The following FGD4 variants were observed in gnomAD, a reference collection of about 807,000 sequenced individuals.
The protein encoded by FGD4 is FYVE, RhoGEF and PH domain-containing protein 4.
A neutral mutation model predicts 102.0 loss-of-function variants in FGD4; 42 were observed. That is an observed-to-expected ratio of 0.41 (90% CI 0.32 to 0.53). The LOEUF is 0.53. Ranked by LOEUF, FGD4 falls within the 20% of genes least tolerant of loss-of-function variation. The pLI, the probability that FGD4 is intolerant of heterozygous loss-of-function variation, is 0.21. For missense variants in FGD4, 902 were observed against 1,078.2 expected (o/e 0.84, Z 2.29); for synonymous variants, 380 against 375.7 (o/e 1.01, Z -0.13).
chr12:32,586,251 G>A (rs1947022347), intron 4 of FGD4, among the ~76,000 whole-genome samples: 2 of 151,932 alleles, frequency 1.3e-5, no homozygotes, highest in South Asian at 4.2e-4. Context: ...AATCTTAAAA[G>A]GTTTTTAAAA....
intron 1 of FGD4, among the ~76,000 whole-genome samples, chr12:32,453,034 T>G (rs763427997): frequency 6.6e-6 from 1 of 151,570 alleles, no homozygotes; most frequent in Non-Finnish European, 1.5e-5. Context: ...AACTTTCTAT[T>G]ATAGAAAATT....
At chr12:32,563,958 C>T (rs1010158939) in intron 1 of FGD4, among the ~76,000 whole-genome samples, 179 bp from the exon 2 acceptor site, 2 of 147,524 alleles carry the variant, frequency 1.4e-5, no homozygotes, top group Admixed American at 7.0e-5. Flanking sequence ...GCAGTACAGT[C>T]CAGCTTCGGC....
chr12:32,481,127 CAAAAAAAAAAA>C (rs1157108520), intron 1 of FGD4, among the ~76,000 whole-genome samples: 58 of 27,358 alleles, frequency 2.1e-3, no homozygotes, highest in African/African-American at 6.9e-3. Context: ...GACTCCGTCT[CAAAAAAAAAAA>C]AAAAAAAAAA....
At chr12:32,463,311 G>A (rs984307590) in intron 1 of FGD4, among the ~76,000 whole-genome samples, 2 of 152,170 alleles carry the variant, frequency 1.3e-5, no homozygotes, top group African/African-American at 4.8e-5. Context: ...CTTCAACCCA[G>A]ATGTGGATTT....
chr12:32,452,878 A>G (rs1942818556), intron 1 of FGD4, among the ~76,000 whole-genome samples: 1 of 151,920 alleles, frequency 6.6e-6, no homozygotes, highest in Non-Finnish European at 1.5e-5. Flanking sequence ...AGTCCCAGTT[A>G]CTCAGCAGGC....
chr12:32,621,434 G>A (rs970651437), intron 11 of FGD4, among the ~76,000 whole-genome samples: 10 of 152,208 alleles, frequency 6.6e-5, no homozygotes, highest in South Asian at 2.1e-4. Flanking sequence ...CAGAATCCAC[G>A]GAGACTCAGA....
At chr12:32,537,883 C>G (rs557160517) in intron 1 of FGD4, among the ~76,000 whole-genome samples, 2 of 152,142 alleles carry the variant, frequency 1.3e-5, no homozygotes, top group South Asian at 4.1e-4. Flanking sequence ...TTCGTTATAG[C>G]AGTTTTTTTG....
chr12:32,441,834 T>C (rs1053563538), intron 1 of FGD4, among the ~76,000 whole-genome samples: 2 of 152,090 alleles, frequency 1.3e-5, no homozygotes, highest in African/African-American at 4.8e-5. Context: ...GCGATTCCCC[T>C]CTGGCTAGGG....
intron 1 of FGD4, among the ~76,000 whole-genome samples, chr12:32,561,022 T>G (rs1944501558): frequency 6.6e-6 from 1 of 151,170 alleles, no homozygotes; most frequent in African/African-American, 2.4e-5. Flanking sequence ...AAGATAAATT[T>G]TAAGGAGAGC....
In FGD4 at chr12:32,595,848, C is replaced by G. The variant is rs191951623; in HGVS notation, c.1012-2649C>G. 1.9e-3 allele frequency among the ~76,000 whole-genome samples: 283 copies of G among 152,268 alleles called. 2 individuals are homozygous for G. Among genetic ancestry groups the G allele is most frequent in the African/African-American group, 6.4e-3 (265 of 41,542 alleles). ...TCTGAGACCACAAATTATTTAAACA[C>G]TATTATATTGCTATACCTGAGGACT... On this transcript the variant is annotated intron_variant, in intron 4 of 16. Transcript: ENST00000534526.
intron 1 of FGD4, among the ~76,000 whole-genome samples, chr12:32,494,774 A>G (rs919161752): frequency 1.3e-5 from 2 of 152,184 alleles, no homozygotes; most frequent in African/African-American, 2.4e-5. Context: ...ACTGAACCCA[A>G]CCTGTGGGTT....
intron 1 of FGD4, among the ~76,000 whole-genome samples, chr12:32,438,711 A>G (rs1565740637): frequency 3.3e-5 from 5 of 151,522 alleles, no homozygotes; most frequent in Admixed American, 2.0e-4. Context: ...GTTCACGCCA[A>G]TATCCTGCCT....
chr12:32,563,594 G>A (rs1972110), intron 1 of FGD4, among the ~76,000 whole-genome samples: 4 of 152,052 alleles, frequency 2.6e-5, no homozygotes, highest in South Asian at 2.1e-4. Flanking sequence ...CTTCCCAGAC[G>A]GGGTGGCGGC....
At chr12:32,601,186 A>G in intron 5 of FGD4, 92 bp from the exon 6 acceptor site, 3 of 1,359,784 alleles carry the variant, frequency 2.2e-6, no homozygotes, top group South Asian at 2.5e-5. Flanking sequence ...TTGCTCAATA[A>G]AAAGTTACTA....
At chr12:32,484,873 GAA>G (rs202163337) in intron 1 of FGD4, among the ~76,000 whole-genome samples, 1 of 151,356 alleles carries the variant, frequency 6.6e-6, no homozygotes, top group African/African-American at 2.4e-5. Context: ...CTCTGTCTCA[GAA>G]AAAAAACAAA....
intron 1 of FGD4, among the ~76,000 whole-genome samples, chr12:32,437,766 A>T (rs577064534): frequency 4.6e-5 from 7 of 152,230 alleles, no homozygotes; most frequent in African/African-American, 1.7e-4. Context: ...ATACTATTTC[A>T]TCTTACCCTG....
intron 1 of FGD4, among the ~76,000 whole-genome samples, chr12:32,420,119 G>A (rs746862273): frequency 6.6e-6 from 1 of 152,136 alleles, no homozygotes; most frequent in Admixed American, 6.6e-5. Flanking sequence ...GGGGGTGAGG[G>A]GGGTGACAAA....
At chr12:32,500,431 T>C (rs1488869540) in intron 1 of FGD4, among the ~76,000 whole-genome samples, 1 of 142,614 alleles carries the variant, frequency 7.0e-6, no homozygotes, top group Admixed American at 7.1e-5. Context: ...TATTTTATTT[T>C]ATTTTATTTT....
intron 1 of FGD4, among the ~76,000 whole-genome samples, chr12:32,478,930 C>A (rs561280735): frequency 1.2e-3 from 181 of 152,278 alleles, no homozygotes; most frequent in Non-Finnish European, 2.1e-3. Flanking sequence ...TGGCACGATA[C>A]CATTACCAAC....
Sources: gnomAD v4.1 joint callset for allele counts (sites outside exome capture counted in the v4.1 genomes callset) on GRCh38, gnomAD v4.1.1 for gene constraint, MANE v1.5 for transcripts, NCBI Gene and HGNC (gene_info 2026-07-23, HGNC 2026-07-21) for gene names.